Variants in SAGE1 observed in about 807,000 individuals in gnomAD.
The protein encoded by SAGE1 is cancer/testis antigen 14.
Under a neutral mutation model 55.4 loss-of-function variants are expected in SAGE1, and 55 were observed. The observed-to-expected ratio is 0.99, with a 90% CI of 0.80 to 1.24. SAGE1 has a LOEUF of 1.24. Among genes scored for constraint, SAGE1 ranks in the 50% most tolerant of loss-of-function variants. The pLI, the probability that SAGE1 is intolerant of heterozygous loss-of-function variation, is 0.00. For missense variants in SAGE1, 710 were observed against 704.4 expected (o/e 1.01, Z -0.09); for synonymous variants, 240 against 244.3 (o/e 0.98, Z 0.17).
Position 135,893,781 on chromosome X carries a change from G to C in SAGE1, c.-1G>C, listed in dbSNP as rs1273579357. On this transcript the variant is annotated splice_region_variant and 5_prime_UTR_variant, in exon 1 of 20. Coordinates refer to ENST00000370709, the MANE Select transcript of SAGE1 (RefSeq NM_001381902.1). Reference sequence around the variant, plus strand: ...ACCTTCTCACACAGCGGGATAAAAGGGTGAATTTGGAGCTGACAGGCAAAT... The same window carrying C: ...ACCTTCTCACACAGCGGGATAAAAGCGTGAATTTGGAGCTGACAGGCAAAT... Among the ~76,000 whole-genome samples the C allele has an allele frequency of 8.0e-5, 9 of 111,947 alleles. No individual in the cohort carries two copies. The highest frequency in any genetic ancestry group is 1.5e-4 in the Non-Finnish European group (8 of 53,152).
chrX:135,910,194 T>G lies in SAGE1; in HGVS notation c.1864+24T>G, dbSNP rs148460976. On this transcript the variant is annotated intron_variant, in intron 15 of 19. Coordinates refer to ENST00000370709, the MANE Select transcript of SAGE1 (RefSeq NM_001381902.1). Reference sequence around the variant, plus strand: ...GTGTAAGTTTATTCACTTGTTGTACTGTCATACTTGGTTTCCATATGCATG... The same window carrying G: ...GTGTAAGTTTATTCACTTGTTGTACGGTCATACTTGGTTTCCATATGCATG... 1,851 of 1,185,981 alleles carry G rather than the reference T, an allele frequency of 1.6e-3. 25 individuals are homozygous for G. The East Asian group carries it at 0.038, about 24-fold the overall frequency.
At chrX:135,907,658 A>G in intron 9 of SAGE1, 43 bp from the exon 10 acceptor site, 2 of 1,192,139 alleles carry the variant, frequency 1.7e-6, no homozygotes. Flanking sequence ...GGGCTGACAT[A>G]ATACACTTAG....
At chrX:135,908,410 G>T (rs1360988033) in intron 11 of SAGE1, 67 bp from the exon 12 acceptor site, 3 of 1,110,318 alleles carry the variant, frequency 2.7e-6, no homozygotes, top group African/African-American at 3.6e-5. Flanking sequence ...GCATCAGAGG[G>T]ATATATACAT....
At chrX:135,903,951 A>C (rs2088732797) in intron 3 of SAGE1, among the ~76,000 whole-genome samples, 1 of 112,252 alleles carries the variant, frequency 8.9e-6, no homozygotes, top group Non-Finnish European at 1.9e-5. Flanking sequence ...TGAGATTTCC[A>C]CGTGGTAAAT....
intron 2 of SAGE1, 47 bp from the exon 3 acceptor site, chrX:135,901,512 G>A (rs372871615): frequency 7.7e-6 from 9 of 1,167,896 alleles, no homozygotes; most frequent in East Asian, 3.0e-5. Flanking sequence ...TGACTTTGCA[G>A]TGGTTGGATT....
chrX:135,894,406 A>G (rs2088551953), intron 1 of SAGE1, among the ~76,000 whole-genome samples: 1 of 112,543 alleles, frequency 8.9e-6, no homozygotes, highest in Non-Finnish European at 1.9e-5. Context: ...GTCTTCCAAG[A>G]ATTTTTTCCA....
chrX:135,905,125 A>C (rs2148084480), intron 4 of SAGE1, 127 bp from the exon 5 acceptor site: 1 of 641,996 alleles, frequency 1.6e-6, no homozygotes, highest in East Asian at 3.3e-5. Flanking sequence ...GTGGACTCAA[A>C]TCATTATATG....
chrX:135,894,987 A>AGTTTGTTT (rs67350402), intron 1 of SAGE1, among the ~76,000 whole-genome samples: 17,147 of 105,248 alleles, frequency 0.16, 1,113 homozygotes, highest in Admixed American at 0.18. Flanking sequence ...AAATCCCACA[A>AGTTTGTTT]GTTTGTTTGT....
At chrX:135,910,346 C>A in intron 15 of SAGE1, 69 bp from the exon 16 acceptor site, 1 of 1,134,539 alleles carries the variant, frequency 8.8e-7, no homozygotes, top group Non-Finnish European at 1.2e-6. Flanking sequence ...TACTGAGCAT[C>A]AGAGGGGTAT....
chrX:135,910,332 T>C, intron 15 of SAGE1, 83 bp from the exon 16 acceptor site: 1 of 1,102,326 alleles, frequency 9.1e-7, no homozygotes, highest in Non-Finnish European at 1.2e-6. Flanking sequence ...GATAATTTCC[T>C]AGATACTGAG....
intron 13 of SAGE1, 149 bp from the exon 14 acceptor site, chrX:135,909,490 G>A (rs2088856221): frequency 1.8e-6 from 1 of 560,223 alleles, no homozygotes; most frequent in Non-Finnish European, 2.8e-6. Context: ...ATCGTTTCTG[G>A]ACTAAATTTG....
At chrX:135,899,068 G>C (rs184889113) in intron 2 of SAGE1, among the ~76,000 whole-genome samples, 2 of 111,622 alleles carry the variant, frequency 1.8e-5, no homozygotes, top group Non-Finnish European at 3.8e-5. Context: ...AATCTTTGCC[G>C]GTGCCTATGT....
In SAGE1 at chrX:135,911,861, C is replaced by CA; in HGVS notation, c.2432dup (p.Asn811LysfsTer14). 1 of 1,210,254 alleles carries CA rather than the reference C, an allele frequency of 8.3e-7. No homozygotes were observed. Among genetic ancestry groups the CA allele is most frequent in the Non-Finnish European group, 1.1e-6 (1 of 894,274 alleles). On this transcript the variant is annotated frameshift_variant, in exon 18 of 20. Transcript: ENST00000370709. LOFTEE classifies it high-confidence loss of function. ...GTAATGTCTTTGGTGGAAACTGTGCCAAATACACCACAAATATCTCCTGCC... is the reference window on the plus strand; with the variant it reads ...GTAATGTCTTTGGTGGAAACTGTGCCAAAATACACCACAAATATCTCCTGCC...
intron 8 of SAGE1, 73 bp from the exon 9 acceptor site, chrX:135,907,240 C>A: frequency 9.1e-7 from 1 of 1,102,806 alleles, no homozygotes; most frequent in Non-Finnish European, 1.2e-6. Context: ...AGAAGCTGAG[C>A]ATCATAGGGG....
chrX:135,912,794 T>TAAA lies in SAGE1; in HGVS notation c.2616-4_2616-3insAAA. On this transcript the variant is annotated splice_polypyrimidine_tract_variant and splice_region_variant and intron_variant, in intron 19 of 19. Coordinates refer to ENST00000370709, the MANE Select transcript of SAGE1 (RefSeq NM_001381902.1). Reference sequence around the variant, plus strand: ...TGGTGAATGGAATACCTCTTTAATTTCAGGTTTAAAAAAGTTGTCTTAATT... The same window carrying TAAA: ...TGGTGAATGGAATACCTCTTTAATTTAAACAGGTTTAAAAAAGTTGTCTTAATT... The TAAA allele has an allele frequency of 3.3e-6, 4 of 1,208,507 alleles. No homozygotes were observed. Among genetic ancestry groups the TAAA allele is most frequent in the Non-Finnish European group, 4.5e-6 (4 of 893,157 alleles).
At position 135,896,303 on chromosome X, in the gene SAGE1, G is replaced by A. The variant is rs1556593724; in HGVS notation, c.61G>A (p.Ala21Thr). The part of the protein sequence containing the change: ...PTPPEELHAA[A>T]YVFTNDGQQM... ...TCCACCTGAAGAACTTCATGCTGCT[G>A]CCTATGTGTTTACAAATGATGGGCA... Residue 21 changes from alanine (A) to threonine (T), a missense_variant, in exon 2 of 20, where the codon GCC (alanine) becomes ACC (threonine). By Grantham distance (58) the Ala-to-Thr change is moderately conservative. Transcript: ENST00000370709. The A allele has an allele frequency of 8.3e-7, 1 of 1,203,786 alleles. No individual in the cohort carries two copies.
chrX:135,905,339 AG>A lies in SAGE1; in HGVS notation c.402del (p.Gln134HisfsTer13), dbSNP rs1556599939. 3 of 1,205,065 alleles carry A rather than the reference AG, an allele frequency of 2.5e-6. No individual in the cohort carries two copies. Among genetic ancestry groups the A allele is most frequent in the African/African-American group, 3.5e-5 (2 of 56,579 alleles). On this transcript the variant is annotated frameshift_variant, in exon 5 of 20. Transcript: ENST00000370709. LOFTEE classifies it high-confidence loss of function. ...AAAGTCTTGTCAACTGCTCCACCAC[AG>A]CTTGTTCATATGGCTGCAGCTGGTA... ...TDKVLSTAPP[Q>X]LVHMAAAGIP...
Position 135,898,995 on chromosome X carries a change from T to C in SAGE1, c.88-2564T>C, listed in dbSNP as rs369866140. On this transcript the variant is annotated intron_variant, in intron 2 of 19. Transcript: ENST00000370709. ...TTTGCTATGCATATGCTCTTTAGTT[T>C]AATTAGATCCCATTTGTCAACTTTT... 9.8e-5 allele frequency among the ~76,000 whole-genome samples: 11 copies of C among 112,507 alleles called. No homozygotes were observed. In the East Asian group the frequency reaches 1.7e-3, roughly 17 times the overall value.
intron 9 of SAGE1, 56 bp from the exon 10 acceptor site, chrX:135,907,645 G>A: frequency 1.7e-6 from 2 of 1,164,987 alleles, no homozygotes; most frequent in Admixed American, 2.2e-5. Flanking sequence ...GGATATACCT[G>A]TAGGGCTGAC....
Sources: gnomAD v4.1 joint callset for allele counts (sites outside exome capture counted in the v4.1 genomes callset) on GRCh38, gnomAD v4.1.1 for gene constraint, MANE v1.5 for transcripts, NCBI Gene and HGNC (gene_info 2026-07-23, HGNC 2026-07-21) for gene names.